RGS8: variants seen among roughly 807,000 people sequenced by gnomAD.
RGS8 encodes the protein regulator of G protein signaling 8.
Under a neutral mutation model 21.7 loss-of-function variants are expected in RGS8, and 8 were observed. The observed-to-expected ratio is 0.37, with a 90% CI of 0.22 to 0.66. The LOEUF (loss-of-function observed/expected upper bound fraction) is 0.66, where lower values mean the gene tolerates loss of function less well. Among genes scored for constraint, RGS8 ranks in the 30% least tolerant of loss-of-function variants. RGS8 has a pLI of 0.59. For missense variants in RGS8, 157 were observed against 217.9 expected, an observed-to-expected ratio of 0.72 and a Z score of 1.76; for synonymous variants, 80 against 83.6, an observed-to-expected ratio of 0.96 and a Z score of 0.24.
At chr1:182,731,667 G>A in the RGS8 span, among the ~76,000 whole-genome samples, 1 of 152,110 alleles carries the variant, frequency 6.6e-6, no homozygotes, top group African/African-American at 2.4e-5. Flanking sequence ...AACAATGAGA[G>A]GCCATTTAGG....
upstream of RGS8, among the ~76,000 whole-genome samples, chr1:182,688,361 T>G (rs1434326490): frequency 4.0e-5 from 6 of 149,206 alleles, no homozygotes; most frequent in Admixed American, 6.6e-5. Context: ...TCGCTCGCTC[T>G]CTCTCTCTCT....
At chr1:182,708,787 T>C in the RGS8 span, among the ~76,000 whole-genome samples, 1 of 152,216 alleles carries the variant, frequency 6.6e-6, no homozygotes, top group African/African-American at 2.4e-5. Context: ...GGAACTGTTG[T>C]GTCAGCAGGA....
At chr1:182,658,307 A>T (rs531087148) in intron 5 of RGS8, 1 of 152,230 alleles carries the variant, frequency 6.6e-6, no homozygotes, top group Admixed American at 6.5e-5. Context: ...CTTAGGTAAC[A>T]GTTCAAGGCC....
intron 3 of RGS8, 136 bp downstream of exon 4, chr1:182,669,488 G>T: frequency 7.9e-7 from 1 of 1,260,202 alleles, no homozygotes; most frequent in Non-Finnish European, 1.1e-6. Context: ...TCACACAGGA[G>T]GCCTATGGGG....
At chr1:182,668,660 C>T (rs773886519) in intron 3 of RGS8, among the ~76,000 whole-genome samples, 16 of 152,194 alleles carry the variant, frequency 1.1e-4, no homozygotes, top group African/African-American at 2.9e-4. Context: ...TGGGCCTGCA[C>T]GTCCCCTGCT....
At chr1:182,712,770 AT>A in the RGS8 span, 1 of 152,156 alleles carries the variant, frequency 6.6e-6, no homozygotes, top group African/African-American at 2.4e-5. Flanking sequence ...TTTCAAGAGT[AT>A]TTTTGTCTGA....
chr1:182,646,464 C>A (rs151061362), exon 7 of RGS8: 19 of 415,146 alleles, frequency 4.6e-5, no homozygotes, highest in Non-Finnish European at 6.9e-5. Flanking sequence ...TGACCCAAGG[C>A]ATTATATGAA....
At chr1:182,702,995 T>C in the RGS8 span, among the ~76,000 whole-genome samples, 1 of 152,220 alleles carries the variant, frequency 6.6e-6, no homozygotes, top group Non-Finnish European at 1.5e-5. Context: ...TTGGATTGTT[T>C]CCAGTAAGTT....
At chr1:182,673,155 G>A (rs1487767991), upstream of RGS8, among the ~76,000 whole-genome samples, 1 of 152,214 alleles carries the variant, frequency 6.6e-6, no homozygotes, top group East Asian at 1.9e-4. Context: ...AGCCTTTGCT[G>A]CAAACCGTTT....
rs563011437 is a variant in RGS8, at chr1:182,665,733, T to A, written c.193+236A>T. ...CTAAAACTGCTGAGAATACGAAGGCTTCTTGGGATCATACTTTGAACCCAG... is the reference window on the plus strand; with the variant it reads ...CTAAAACTGCTGAGAATACGAAGGCATCTTGGGATCATACTTTGAACCCAG... On this transcript the variant is annotated intron_variant, in intron 5 of 6. Transcript: ENST00000483095. 4.6e-5 allele frequency among the ~76,000 whole-genome samples: 7 copies of A among 152,306 alleles called. No homozygotes were observed. The South Asian group carries it at 1.5e-3, about 32-fold the overall frequency.
At chr1:182,679,351 T>C (rs1664468561) in intron 1 of RGS8, among the ~76,000 whole-genome samples, 1 of 152,158 alleles carries the variant, frequency 6.6e-6, no homozygotes, top group Non-Finnish European at 1.5e-5. Flanking sequence ...CTTGTCTTTA[T>C]GAACCTCTTT....
chr1:182,683,727 G>A (rs777540708), intron 1 of RGS8, among the ~76,000 whole-genome samples: 6 of 151,300 alleles, frequency 4.0e-5, no homozygotes, highest in Non-Finnish European at 7.4e-5. Flanking sequence ...GGAGGCAACC[G>A]TGCCCTCAAC....
the RGS8 span, among the ~76,000 whole-genome samples, chr1:182,725,878 T>G: frequency 6.6e-6 from 1 of 152,134 alleles, no homozygotes; most frequent in Non-Finnish European, 1.5e-5. Flanking sequence ...ATCACCCCAT[T>G]AAAGTCACAA....
the RGS8 span, among the ~76,000 whole-genome samples, chr1:182,723,634 C>T: frequency 4.6e-5 from 7 of 152,190 alleles, no homozygotes; most frequent in African/African-American, 1.7e-4. Context: ...CACAGACCAA[C>T]TCAAGAACAA....
intron 5 of RGS8, among the ~76,000 whole-genome samples, chr1:182,657,618 C>T (rs1663351782): frequency 6.6e-6 from 1 of 152,146 alleles, no homozygotes; most frequent in Non-Finnish European, 1.5e-5. Context: ...GCTGTTCCAC[C>T]TGGGATTCTG....
At chr1:182,695,308 G>A in the RGS8 span, among the ~76,000 whole-genome samples, 1 of 151,962 alleles carries the variant, frequency 6.6e-6, no homozygotes, top group African/African-American at 2.4e-5. Flanking sequence ...ACAAGTTTTC[G>A]GTGCCACAAA....
intron 3 of RGS8, among the ~76,000 whole-genome samples, chr1:182,668,002 C>A (rs556702805): frequency 1.4e-3 from 207 of 152,188 alleles, no homozygotes; most frequent in African/African-American, 4.2e-3. Context: ...AACCTTTAAT[C>A]GGAGGTTGAC....
At chr1:182,651,147 T>A (rs539015928) in intron 5 of RGS8, among the ~76,000 whole-genome samples, 42 of 152,304 alleles carry the variant, frequency 2.8e-4, no homozygotes, top group African/African-American at 9.9e-4. Context: ...GACACGGCAA[T>A]GTTTAGGCAG....
chr1:182,737,632 C>T, the RGS8 span, among the ~76,000 whole-genome samples: 197 of 152,312 alleles, frequency 1.3e-3, 2 homozygotes, highest in African/African-American at 4.5e-3. Flanking sequence ...CCTCCCCAGA[C>T]ATGTGGAACT....
Sources: gnomAD v4.1 joint callset for allele counts (sites outside exome capture counted in the v4.1 genomes callset) on GRCh38, gnomAD v4.1.1 for gene constraint, MANE v1.5 for transcripts, NCBI Gene and HGNC (gene_info 2026-07-23, HGNC 2026-07-21) for gene names.